TMTC2: variants seen among roughly 807,000 people sequenced by gnomAD.
TMTC2 encodes the protein transmembrane O-mannosyltransferase targeting cadherins 2.
A neutral mutation model predicts 82.4 loss-of-function variants in TMTC2; 43 were observed. The observed-to-expected ratio is 0.52, with a 90% CI of 0.41 to 0.67. TMTC2 has a LOEUF of 0.67. Among genes scored for constraint, TMTC2 ranks in the 30% least tolerant of loss-of-function variants. The probability of loss-of-function intolerance (pLI) is 0.00; values close to 1 mark genes in which losing one functional copy is unlikely to be tolerated. For missense variants in TMTC2, 919 were observed against 1,012.4 expected, an observed-to-expected ratio of 0.91 and a Z score of 1.25; for synonymous variants, 408 against 381.9, an observed-to-expected ratio of 1.07 and a Z score of -0.80.
chr12:82,891,753 A>G (rs1873406817), intron 2 of TMTC2, among the ~76,000 whole-genome samples: 1 of 152,134 alleles, frequency 6.6e-6, no homozygotes, highest in South Asian at 2.1e-4. Flanking sequence ...GGTTTGTTAC[A>G]TAGGTGAACG....
intron 2 of TMTC2, among the ~76,000 whole-genome samples, chr12:82,857,944 T>TTA (rs893286033): frequency 6.6e-6 from 1 of 152,224 alleles, no homozygotes; most frequent in African/African-American, 2.4e-5. Flanking sequence ...ACACGGCTGA[T>TTA]AATAGAGCTA....
intron 2 of TMTC2, among the ~76,000 whole-genome samples, chr12:82,875,119 T>C (rs1872416413): frequency 6.6e-6 from 1 of 152,182 alleles, no homozygotes. Flanking sequence ...TGTTCTGGGC[T>C]GTAGTTTGCT....
At chr12:82,906,849 A>G (rs760230851) in intron 3 of TMTC2, among the ~76,000 whole-genome samples, 9 of 152,206 alleles carry the variant, frequency 5.9e-5, no homozygotes, top group Non-Finnish European at 1.3e-4. Context: ...GAAACTAGCT[A>G]AAAGCATCCC....
At chr12:82,717,753 T>G (rs1873966864) in intron 1 of TMTC2, among the ~76,000 whole-genome samples, 1 of 152,208 alleles carries the variant, frequency 6.6e-6, no homozygotes, top group Admixed American at 6.5e-5. Context: ...TCAGGAATTT[T>G]ACTAGGTTTG....
chr12:82,923,228 A>AG (rs1273663021), intron 3 of TMTC2, among the ~76,000 whole-genome samples: 3 of 152,116 alleles, frequency 2.0e-5, no homozygotes, highest in Non-Finnish European at 4.4e-5. Context: ...TTTTCATTTC[A>AG]GGGGGGTTAC....
intron 11 of TMTC2, among the ~76,000 whole-genome samples, chr12:83,125,069 GT>G (rs1249156680): frequency 6.6e-6 from 1 of 152,136 alleles, no homozygotes; most frequent in Non-Finnish European, 1.5e-5. Context: ...GGCTATAAAG[GT>G]TATTCTGCAT....
chr12:82,690,047 A>G (rs1592850244), intron 1 of TMTC2, among the ~76,000 whole-genome samples: 1 of 152,228 alleles, frequency 6.6e-6, no homozygotes, highest in African/African-American at 2.4e-5. Context: ...ACACATAAAT[A>G]GGAGCACTGA....
chr12:82,934,422 C>G (rs1471163990), intron 4 of TMTC2, among the ~76,000 whole-genome samples: 1 of 151,494 alleles, frequency 6.6e-6, no homozygotes, highest in South Asian at 2.1e-4. Flanking sequence ...ATATTCCCCT[C>G]CCTGCGTCCA....
At chr12:82,966,462 A>G (rs1878214978) in intron 6 of TMTC2, among the ~76,000 whole-genome samples, 1 of 152,154 alleles carries the variant, frequency 6.6e-6, no homozygotes. Flanking sequence ...TGGAGATACA[A>G]CTTTTAAAAT....
chr12:82,988,787 ACC>A, intron 8 of TMTC2, among the ~76,000 whole-genome samples: 1 of 149,658 alleles, frequency 6.7e-6, no homozygotes, highest in African/African-American at 2.5e-5. Flanking sequence ...GTTTTCAAAT[ACC>A]TACATTTAGA....
At chr12:83,034,881 G>A (rs1002865098) in intron 9 of TMTC2, among the ~76,000 whole-genome samples, 23 of 152,278 alleles carry the variant, frequency 1.5e-4, no homozygotes, top group African/African-American at 3.6e-4. Context: ...AAGAAAATAC[G>A]TACTATGATT....
chr12:82,909,652 T>TA (rs1305996319), intron 3 of TMTC2, among the ~76,000 whole-genome samples: 6 of 152,186 alleles, frequency 3.9e-5, no homozygotes, highest in African/African-American at 1.4e-4. Flanking sequence ...ATGAAGTTTT[T>TA]AGACTTCAGG....
chr12:83,050,839 A>T (rs924211386), intron 9 of TMTC2, 65 bp from the exon 10 acceptor site: 1 of 1,096,298 alleles, frequency 9.1e-7, no homozygotes, highest in African/African-American at 1.6e-5. Flanking sequence ...ATTTTTCTTT[A>T]ATAACAGCTT....
intron 1 of TMTC2, among the ~76,000 whole-genome samples, chr12:82,777,580 T>C (rs1179942997): frequency 6.6e-6 from 1 of 152,160 alleles, no homozygotes; most frequent in Non-Finnish European, 1.5e-5. Context: ...TGCTAAACTG[T>C]TAAACTTATA....
intron 1 of TMTC2, among the ~76,000 whole-genome samples, chr12:82,852,332 C>T (rs1377715165): frequency 1.3e-5 from 2 of 152,064 alleles, no homozygotes; most frequent in Admixed American, 6.6e-5. Flanking sequence ...TGGTCTCGAT[C>T]TCCTGACCTC....
At chr12:82,923,824 G>A (rs1209453903) in intron 3 of TMTC2, among the ~76,000 whole-genome samples, 2 of 152,114 alleles carry the variant, frequency 1.3e-5, no homozygotes, top group Non-Finnish European at 2.9e-5. Context: ...CCCCATCCAT[G>A]AGCCTTGGAA....
chr12:82,795,769 C>T (rs1029116961), intron 1 of TMTC2, among the ~76,000 whole-genome samples: 1 of 152,132 alleles, frequency 6.6e-6, no homozygotes, highest in Non-Finnish European at 1.5e-5. Context: ...AGGCAGAGAG[C>T]AGCCCTCACC....
intron 3 of TMTC2, among the ~76,000 whole-genome samples, chr12:82,903,182 T>C (rs951779181): frequency 2.0e-5 from 3 of 152,170 alleles, no homozygotes; most frequent in African/African-American, 4.8e-5. Flanking sequence ...GCATTATCAG[T>C]AAGGTGCTTT....
At chr12:83,022,851 C>T (rs762391243) in intron 8 of TMTC2, among the ~76,000 whole-genome samples, 3 of 152,126 alleles carry the variant, frequency 2.0e-5, no homozygotes, top group Non-Finnish European at 2.9e-5. Context: ...TTTCATTTAG[C>T]ACTGGATCTT....
Sources: gnomAD v4.1 joint callset for allele counts (sites outside exome capture counted in the v4.1 genomes callset) on GRCh38, gnomAD v4.1.1 for gene constraint, MANE v1.5 for transcripts, NCBI Gene and HGNC (gene_info 2026-07-23, HGNC 2026-07-21) for gene names.